Variants in SLC24A3 observed in about 807,000 individuals in gnomAD.
SLC24A3 encodes solute carrier family 24 member 3.
A neutral mutation model predicts 75.8 loss-of-function variants in SLC24A3; 28 were observed. The observed-to-expected ratio is 0.37, with a 90% CI of 0.27 to 0.51. The LOEUF (loss-of-function observed/expected upper bound fraction) is 0.51, where lower values mean the gene tolerates loss of function less well. SLC24A3 is among the 20% of genes least tolerant of loss of function. The pLI, the probability that SLC24A3 is intolerant of heterozygous loss-of-function variation, is 0.94. For missense variants in SLC24A3, 663 were observed against 847.8 expected (o/e 0.78, Z 2.71); for synonymous variants, 372 against 334.1 (o/e 1.11, Z -1.24).
intron 2 of SLC24A3, among the ~76,000 whole-genome samples, chr20:19,470,406 G>A (rs1272398479): frequency 1.3e-5 from 2 of 152,102 alleles, no homozygotes; most frequent in African/African-American, 4.8e-5. Flanking sequence ...GCTGAAACTG[G>A]GAGGCCAGGC....
At chr20:19,583,087 AG>A (rs1472584319) in intron 4 of SLC24A3, among the ~76,000 whole-genome samples, 2 of 152,166 alleles carry the variant, frequency 1.3e-5, no homozygotes, top group African/African-American at 2.4e-5. Flanking sequence ...GATCACACAC[AG>A]CATGTCCCAT....
At chr20:19,696,709 A>G in intron 13 of SLC24A3, 88 bp from the exon 14 acceptor site, 1 of 850,874 alleles carries the variant, frequency 1.2e-6, no homozygotes, top group Non-Finnish European at 2.0e-6. Flanking sequence ...CCCAGACCAT[A>G]GCCTGTTGTG....
intron 2 of SLC24A3, among the ~76,000 whole-genome samples, chr20:19,412,802 G>A (rs984123890): frequency 2.0e-5 from 3 of 152,150 alleles, no homozygotes; most frequent in African/African-American, 4.8e-5. Context: ...GACTTCATTT[G>A]TGCAGTAACA....
intron 2 of SLC24A3, among the ~76,000 whole-genome samples, chr20:19,504,588 A>G (rs186152543): frequency 6.5e-4 from 99 of 152,336 alleles, no homozygotes; most frequent in African/African-American, 2.2e-3. Flanking sequence ...TTGAGGAACT[A>G]TTTAGTGGGT....
chr20:19,253,640 T>G (rs1324327041), intron 1 of SLC24A3, among the ~76,000 whole-genome samples: 1 of 152,230 alleles, frequency 6.6e-6, no homozygotes, highest in African/African-American at 2.4e-5. Flanking sequence ...GTCACCCCAC[T>G]GTTACCCCCA....
chr20:19,700,923 T>C (rs536051866), intron 15 of SLC24A3, among the ~76,000 whole-genome samples: 37 of 152,388 alleles, frequency 2.4e-4, no homozygotes, highest in African/African-American at 8.4e-4. Flanking sequence ...CCTAAATCTA[T>C]ACTTTTCAAG....
At chr20:19,678,767 G>A (rs1247502723) in intron 9 of SLC24A3, among the ~76,000 whole-genome samples, 1 of 147,698 alleles carries the variant, frequency 6.8e-6, no homozygotes, top group Non-Finnish European at 1.5e-5. Context: ...CCGGGCGGAG[G>A]GGCTCCTCAC....
chr20:19,625,292 TA>T (rs952847763), intron 6 of SLC24A3, among the ~76,000 whole-genome samples: 2 of 152,198 alleles, frequency 1.3e-5, no homozygotes, highest in Admixed American at 1.3e-4. Context: ...TATATTCCAT[TA>T]CTGGAAATAA....
chr20:19,678,502 C>T (rs1600335643), intron 9 of SLC24A3, among the ~76,000 whole-genome samples: 2 of 135,782 alleles, frequency 1.5e-5, no homozygotes, highest in African/African-American at 2.9e-5. Flanking sequence ...GGCGGCTGGC[C>T]GGGCGGGGGG....
At chr20:19,279,346 C>G (rs999142336) in intron 1 of SLC24A3, among the ~76,000 whole-genome samples, 1 of 152,210 alleles carries the variant, frequency 6.6e-6, no homozygotes, top group East Asian at 1.9e-4. Flanking sequence ...TGCCTCAGGT[C>G]CCTTCTTCAG....
rs1467110014 is a variant in SLC24A3 at position 19,346,087 on chromosome 20, A to G, written c.271+65000A>G. On this transcript the variant is annotated intron_variant, in intron 2 of 16. Transcript: ENST00000328041. ...ACTATATATATATATATATATATAT[A>G]TATATATATATATATATATATGGTG... Among the ~76,000 whole-genome samples, 18 of 70,570 alleles carry G rather than the reference A, an allele frequency of 2.6e-4. 3 individuals carry two copies. The highest frequency in any genetic ancestry group is 1.7e-3 in the African/African-American group (14 of 8,180). 46.3% of individuals were successfully genotyped at this position (70,570 alleles called of 152,430 possible). A position where few individuals can be genotyped will look rare whatever the true frequency, so the allele number is the denominator to read the frequency against.
At chr20:19,665,147 G>A (rs922341884) in intron 7 of SLC24A3, among the ~76,000 whole-genome samples, 1 of 152,158 alleles carries the variant, frequency 6.6e-6, no homozygotes, top group Non-Finnish European at 1.5e-5. Flanking sequence ...AACCTCAGTG[G>A]GGTGCTAGTG....
At chr20:19,501,277 C>T (rs1429788077) in intron 2 of SLC24A3, among the ~76,000 whole-genome samples, 2 of 152,150 alleles carry the variant, frequency 1.3e-5, no homozygotes, top group African/African-American at 4.8e-5. Flanking sequence ...TCTTAACTAA[C>T]TCAACAACTA....
chr20:19,330,480 A>G (rs1386547281), intron 2 of SLC24A3, among the ~76,000 whole-genome samples: 2 of 152,262 alleles, frequency 1.3e-5, no homozygotes, highest in South Asian at 2.1e-4. Context: ...AAGGGCTCTC[A>G]CTGGCCAAAT....
chr20:19,323,465 T>G (rs1348572785), intron 2 of SLC24A3, among the ~76,000 whole-genome samples: 9 of 152,188 alleles, frequency 5.9e-5, no homozygotes, highest in African/African-American at 2.2e-4. Context: ...TGATCATTTC[T>G]TTTATATTTA....
chr20:19,511,250 C>T (rs900058713), intron 2 of SLC24A3, among the ~76,000 whole-genome samples: 4 of 152,146 alleles, frequency 2.6e-5, no homozygotes, highest in African/African-American at 9.7e-5. Flanking sequence ...CTTGAGGGCC[C>T]CAGCCTAAGG....
chr20:19,275,632 T>C (rs989628725), intron 1 of SLC24A3, among the ~76,000 whole-genome samples: 2 of 152,012 alleles, frequency 1.3e-5, no homozygotes, highest in Non-Finnish European at 2.9e-5. Flanking sequence ...TAAGCCCCAG[T>C]TGTGGGGAGG....
intron 2 of SLC24A3, among the ~76,000 whole-genome samples, chr20:19,323,142 G>A (rs6081569): frequency 1.4e-5 from 2 of 145,888 alleles, no homozygotes; most frequent in Non-Finnish European, 3.0e-5. Context: ...GGAGGCGGAG[G>A]TTGCAGTGAG....
At chr20:19,475,656 T>C (rs1007552099) in intron 2 of SLC24A3, among the ~76,000 whole-genome samples, 6 of 152,248 alleles carry the variant, frequency 3.9e-5, no homozygotes, top group South Asian at 2.1e-4. Flanking sequence ...ATAAAATAAA[T>C]AGGAATTGAC....
Sources: gnomAD v4.1 joint callset for allele counts (sites outside exome capture counted in the v4.1 genomes callset) on GRCh38, gnomAD v4.1.1 for gene constraint, MANE v1.5 for transcripts, NCBI Gene and HGNC (gene_info 2026-07-23, HGNC 2026-07-21) for gene names.